SRL: variants seen among roughly 807,000 people sequenced by gnomAD.
SRL encodes sarcalumenin.
SRL carries 23 observed loss-of-function variants against 39.5 expected under a neutral mutation model. The observed-to-expected ratio is 0.58, with a 90% confidence interval of 0.42 to 0.82. The LOEUF (loss-of-function observed/expected upper bound fraction) is 0.82, where lower values mean the gene tolerates loss of function less well. Ranked by LOEUF, SRL falls within the 40% of genes least tolerant of loss-of-function variation. SRL has a pLI of 0.00. For synonymous variants in SRL, 272 were observed against 237.4 expected, an observed-to-expected ratio of 1.15 and a Z score of -1.34; for missense variants, 592 against 607.8, an observed-to-expected ratio of 0.97 and a Z score of 0.27.
chr16:4,224,876 A>G (rs1279243049), intron 1 of SRL, among the ~76,000 whole-genome samples: 1 of 152,230 alleles, frequency 6.6e-6, no homozygotes, highest in Non-Finnish European at 1.5e-5. Context: ...TAAACAGAAC[A>G]TGGTCTATCC....
At chr16:4,204,713 G>GCCCA in intron 1 of SRL, 79 bp from the exon 2 acceptor site, 1 of 1,305,886 alleles carries the variant, frequency 7.7e-7, no homozygotes, top group Non-Finnish European at 1.1e-6. Flanking sequence ...AGCAGACGAG[G>GCCCA]GCTGGGCCTC....
Position 4,203,248 on chromosome 16 carries a change from C to T in SRL, c.177G>A (p.Arg59=), listed in dbSNP as rs866310193. The T allele has an allele frequency of 2.5e-6, 4 of 1,614,070 alleles. No individual in the cohort carries two copies. The highest frequency in any genetic ancestry group is 1.7e-4 in the Middle Eastern group (1 of 6,056). The part of the protein sequence containing the change: ...PSDDYSAVLQ[R]LRKIYHSSIK... ...TGGATGAGTGGTAGATCTTCCGAAG[C>T]CGCTGCAGCACCGCTGGAGACAGAG... The change falls in exon 3 of 6, where the codon CGG becomes CGA. Residue 59 remains arginine (R), a synonymous_variant. Transcript: ENST00000399609.
chr16:4,214,354 C>T (rs149019011), intron 1 of SRL, among the ~76,000 whole-genome samples: 5 of 152,328 alleles, frequency 3.3e-5, no homozygotes, highest in African/African-American at 9.6e-5. Context: ...CAAAGTCATG[C>T]GTAAGTAAAA....
chr16:4,216,950 G>A (rs1250159854), intron 1 of SRL, among the ~76,000 whole-genome samples: 1 of 152,204 alleles, frequency 6.6e-6, no homozygotes, highest in African/African-American at 2.4e-5. Flanking sequence ...AGCCAAGGGA[G>A]CGTGGCTCCC....
intron 1 of SRL, among the ~76,000 whole-genome samples, chr16:4,222,595 C>G (rs1477481467): frequency 6.6e-6 from 1 of 152,010 alleles, no homozygotes; most frequent in African/African-American, 2.4e-5. Context: ...TTCTTTTAAC[C>G]TGTGTCCCTC....
chr16:4,219,986 C>A (rs148395168), intron 1 of SRL, among the ~76,000 whole-genome samples: 55 of 152,180 alleles, frequency 3.6e-4, no homozygotes, highest in African/African-American at 1.3e-3. Flanking sequence ...AGCATTCCAG[C>A]GTCTGGGTCA....
intron 1 of SRL, among the ~76,000 whole-genome samples, chr16:4,214,464 A>T (rs1206475578): frequency 6.6e-6 from 1 of 152,232 alleles, no homozygotes; most frequent in Non-Finnish European, 1.5e-5. Flanking sequence ...TGCCTGGTTC[A>T]TCTGTCCCAG....
rs2052049266 is a variant in SRL at position 4,190,617 on chromosome 16, A to G, written c.*1536T>C. 2 of 397,576 alleles carry G rather than the reference A, an allele frequency of 5.0e-6. No individual in the cohort carries two copies. The highest frequency in any genetic ancestry group is 8.9e-6 in the Non-Finnish European group (2 of 225,950). The allele number at this position is 397,576 out of a possible 1,614,324, so 24.6% of individuals were successfully genotyped here. On this transcript the variant is annotated 3_prime_UTR_variant, in exon 6 of 6. Coordinates refer to ENST00000399609, the MANE Select transcript of SRL (RefSeq NM_001098814.2). ...ACAAGTTCTCTACTCCCTAGAGTCT[A>G]TGTGATCTCCCTAATCTCTCTTGGA... is the stretch of plus-strand genomic sequence containing the variant.
At chr16:4,226,429 G>A (rs1001829439) in intron 1 of SRL, among the ~76,000 whole-genome samples, 3 of 151,938 alleles carry the variant, frequency 2.0e-5, no homozygotes, top group Non-Finnish European at 4.4e-5. Context: ...ATGAATGGAT[G>A]GATGGGTGGA....
Position 4,203,244 on chromosome 16 carries a change from G to A in SRL, c.181C>T (p.Arg61Trp), listed in dbSNP as rs201184048. The A allele has an allele frequency of 1.5e-4, 236 of 1,613,992 alleles. No homozygotes were observed. Among genetic ancestry groups the A allele is most frequent in the Non-Finnish European group, 1.8e-4 (217 of 1,179,964 alleles). ...TTGATGGATGAGTGGTAGATCTTCCGAAGCCGCTGCAGCACCGCTGGAGAC... is the reference window on the plus strand; with the variant it reads ...TTGATGGATGAGTGGTAGATCTTCCAAAGCCGCTGCAGCACCGCTGGAGAC... ...DDYSAVLQRL[R>W]KIYHSSIKPL... Residue 61 changes from arginine to tryptophan, a missense_variant, in exon 3 of 6, where the codon CGG becomes TGG. Coordinates refer to ENST00000399609, the MANE Select transcript of SRL (RefSeq NM_001098814.2).
intron 1 of SRL, among the ~76,000 whole-genome samples, chr16:4,231,122 C>A (rs1430557948): frequency 6.6e-6 from 1 of 152,084 alleles, no homozygotes; most frequent in Non-Finnish European, 1.5e-5. Context: ...CAAGACCAGC[C>A]CAGGCAACAT....
At chr16:4,239,300 C>G (rs2052746284) in intron 1 of SRL, among the ~76,000 whole-genome samples, 1 of 152,210 alleles carries the variant, frequency 6.6e-6, no homozygotes, top group Non-Finnish European at 1.5e-5. Flanking sequence ...CCAGCATGCA[C>G]CAGCCCCTTG....
intron 5 of SRL, among the ~76,000 whole-genome samples, chr16:4,195,084 G>A (rs181105191): frequency 5.7e-4 from 87 of 151,902 alleles, no homozygotes; most frequent in African/African-American, 1.8e-3. Context: ...TTGTAGAGGC[G>A]GGGTTTTGCC....
intron 3 of SRL, among the ~76,000 whole-genome samples, chr16:4,202,315 T>C (rs7206178): frequency 0.23 from 35,183 of 152,046 alleles, 5,063 homozygotes; most frequent in African/African-American, 0.39. Flanking sequence ...GGAGGTCGGC[T>C]GGGAGCGGTG....
intron 3 of SRL, 137 bp downstream of exon 3, chr16:4,203,029 T>C: frequency 1.3e-6 from 1 of 772,032 alleles, no homozygotes; most frequent in Non-Finnish European, 2.2e-6. Flanking sequence ...GACCCACAAG[T>C]CCTTGCACAC....
intron 1 of SRL, among the ~76,000 whole-genome samples, chr16:4,208,785 G>A (rs1292861117): frequency 6.6e-6 from 1 of 152,146 alleles, no homozygotes; most frequent in African/African-American, 2.4e-5. Flanking sequence ...AGGGTACATG[G>A]CCTGAGGAGG....
intron 5 of SRL, among the ~76,000 whole-genome samples, chr16:4,194,584 GGGATCCAATTA>G (rs2052111217): frequency 6.6e-6 from 1 of 152,172 alleles, no homozygotes; most frequent in Non-Finnish European, 1.5e-5. Flanking sequence ...TACTGGTACT[GGGATCCAATTA>G]GTCCAGGCCC....
intron 3 of SRL, among the ~76,000 whole-genome samples, chr16:4,202,719 A>C (rs2052253033): frequency 6.6e-6 from 1 of 152,176 alleles, no homozygotes; most frequent in Non-Finnish European, 1.5e-5. Context: ...TTTGTAAAGA[A>C]TCCAGGCCCA....
In SRL at chr16:4,192,815, G is replaced by A; in HGVS notation, c.760C>T (p.Leu254=). ...GTGGCCAGATTGTCAGCCTTGTTCA[G>A]GATGATCCTTATCTGGGATTCACGC... is the stretch of plus-strand genomic sequence containing the variant. ...KGRESQIRII[L]NKADNLATQM... Residue 254 remains leucine (L), a synonymous_variant, in exon 6 of 6, where the codon CTG becomes TTG. Transcript: ENST00000399609. The surrounding 1 kb of genome is among the most constrained non-coding windows in gnomAD (Gnocchi z 4.0). The A allele has an allele frequency of 6.2e-7, 1 of 1,614,190 alleles. No homozygotes were observed. Among genetic ancestry groups the A allele is most frequent in the Non-Finnish European group, 8.5e-7 (1 of 1,180,038 alleles).
Sources: gnomAD v4.1 joint callset for allele counts (sites outside exome capture counted in the v4.1 genomes callset) on GRCh38, gnomAD v4.1.1 for gene constraint, Gnocchi (gnomAD v3.1) non-coding constraint, MANE v1.5 for transcripts, NCBI Gene and HGNC (gene_info 2026-07-23, HGNC 2026-07-21) for gene names.